Variants in PLCB1 observed in about 807,000 individuals in gnomAD.
The protein encoded by PLCB1 is phospholipase C beta 1.
In PLCB1, 46 loss-of-function variants were observed where a neutral mutation model predicts 161.8. The ratio of observed to expected loss-of-function variants is 0.28; its 90% CI spans 0.22 to 0.36. PLCB1 has a LOEUF of 0.36. Among genes scored for constraint, PLCB1 ranks in the 10% least tolerant of loss-of-function variants. The pLI is 1.00. For synonymous variants in PLCB1, 517 were observed against 503.7 expected (o/e 1.03, Z -0.35); for missense variants, 1,016 against 1,472.5 (o/e 0.69, Z 5.07).
intron 3 of PLCB1, among the ~76,000 whole-genome samples, chr20:8,437,240 A>T (rs1980354225): frequency 6.6e-6 from 1 of 152,234 alleles, no homozygotes; most frequent in Non-Finnish European, 1.5e-5. Flanking sequence ...TTACTGAGAC[A>T]ACCTCAGATA....
intron 3 of PLCB1, among the ~76,000 whole-genome samples, chr20:8,474,480 C>A (rs899233275): frequency 6.6e-6 from 1 of 152,000 alleles, no homozygotes; most frequent in African/African-American, 2.4e-5. Context: ...TCGGAGTGTG[C>A]TTGGCAAGTT....
intron 1 of PLCB1, among the ~76,000 whole-genome samples, chr20:8,147,280 G>C (rs1174990286): frequency 6.6e-6 from 1 of 152,156 alleles, no homozygotes; most frequent in African/African-American, 2.4e-5. Context: ...TGATGCATAG[G>C]CAAGTTTAAA....
intron 3 of PLCB1, among the ~76,000 whole-genome samples, chr20:8,448,798 T>G (rs2122639783): frequency 6.6e-6 from 1 of 152,286 alleles, no homozygotes; most frequent in African/African-American, 2.4e-5. Flanking sequence ...GGACAAAAAG[T>G]AAAGGATTGC....
chr20:8,350,930 A>C (rs900488212), intron 2 of PLCB1, among the ~76,000 whole-genome samples: 5 of 152,300 alleles, frequency 3.3e-5, no homozygotes, highest in African/African-American at 1.2e-4. Flanking sequence ...AATTTTTTTC[A>C]CATTGAACCA....
chr20:8,254,747 C>A (rs567436308), intron 2 of PLCB1, among the ~76,000 whole-genome samples: 1 of 151,926 alleles, frequency 6.6e-6, no homozygotes, highest in East Asian at 1.9e-4. Context: ...CCAGAAGATC[C>A]CTGCACATCA....
At chr20:8,832,916 G>T (rs1385446766) in intron 31 of PLCB1, among the ~76,000 whole-genome samples, 1 of 152,178 alleles carries the variant, frequency 6.6e-6, no homozygotes, top group Non-Finnish European at 1.5e-5. Flanking sequence ...CAACCTTAAG[G>T]ATTGTCATTG....
chr20:8,752,903 T>C (rs1278574937), intron 23 of PLCB1, among the ~76,000 whole-genome samples: 2 of 152,226 alleles, frequency 1.3e-5, no homozygotes, highest in African/African-American at 2.4e-5. Flanking sequence ...AGTACTGGTC[T>C]GTAGCTTATT....
chr20:8,838,018 G>T lies in PLCB1; in HGVS notation c.3424-43604G>T, dbSNP rs1202603880. ...TGTTCCTGGAAAGTAAAAGAGATAG[G>T]CTGGTGACTAAATTCTTTTTTGCTC... On this transcript the variant is annotated intron_variant, in intron 31 of 31. Transcript: ENST00000338037. Among the ~76,000 whole-genome samples, 5 of 151,822 alleles carry T rather than the reference G, an allele frequency of 3.3e-5. No homozygotes were observed. In the East Asian group the frequency reaches 7.8e-4, roughly 24 times the overall value.
intron 3 of PLCB1, among the ~76,000 whole-genome samples, chr20:8,427,458 G>T: frequency 6.6e-6 from 1 of 152,216 alleles, no homozygotes; most frequent in East Asian, 1.9e-4. Flanking sequence ...TAGGGGCTTT[G>T]CTGGGAGTTG....
At chr20:8,812,440 G>A (rs1173020160) in intron 31 of PLCB1, among the ~76,000 whole-genome samples, 1 of 152,018 alleles carries the variant, frequency 6.6e-6, no homozygotes, top group Non-Finnish European at 1.5e-5. Context: ...GGTGTGAGCG[G>A]GGGCTGGTGA....
chr20:8,679,942 A>C (rs1990174703), intron 9 of PLCB1, among the ~76,000 whole-genome samples: 1 of 152,202 alleles, frequency 6.6e-6, no homozygotes, highest in South Asian at 2.1e-4. Flanking sequence ...ATAATTCCTA[A>C]TATATTAGCC....
intron 2 of PLCB1, among the ~76,000 whole-genome samples, chr20:8,195,596 C>T (rs193261557): frequency 2.6e-5 from 4 of 151,992 alleles, no homozygotes; most frequent in Non-Finnish European, 4.4e-5. Flanking sequence ...GTTAAGTAAA[C>T]GAGAGACCTA....
chr20:8,559,397 T>C (rs990572921), intron 3 of PLCB1, among the ~76,000 whole-genome samples: 2 of 151,952 alleles, frequency 1.3e-5, no homozygotes, highest in Admixed American at 6.6e-5. Context: ...AATGGGGGAA[T>C]TGAGAAACAG....
Position 8,132,520 on chromosome 20 carries a change from AG to A in PLCB1, c.-130del, listed in dbSNP as rs969227922. On this transcript the variant is annotated 5_prime_UTR_variant, in exon 1 of 32. It introduces an in-frame stop codon into an upstream open reading frame of the 5' UTR. Transcript: ENST00000338037. This position sits in a 1 kb window ranked among gnomAD's most constrained non-coding sequence, Gnocchi z 5.2. ...AGGTGCGGAGGCCGGGAGGCCGGGG[AG>A]GCCGGCGGGGAGCAGAGTCGAGCGC... The A allele has an allele frequency of 9.0e-6, 4 of 445,264 alleles. No individual in the cohort carries two copies. Among genetic ancestry groups the A allele is most frequent in the Admixed American group, 4.6e-5 (1 of 21,656 alleles). 27.6% of individuals were successfully genotyped at this position (445,264 alleles called of 1,614,324 possible).
chr20:8,534,087 G>A (rs1435332844), intron 3 of PLCB1, among the ~76,000 whole-genome samples: 4 of 152,186 alleles, frequency 2.6e-5, no homozygotes, highest in Admixed American at 6.5e-5. Context: ...GTGAATGATC[G>A]TGGAATATTC....
chr20:8,317,124 G>A (rs2122144891), intron 2 of PLCB1, among the ~76,000 whole-genome samples: 1 of 152,276 alleles, frequency 6.6e-6, no homozygotes, highest in Admixed American at 6.5e-5. Flanking sequence ...GGCCATGACA[G>A]TAATGTAGGT....
chr20:8,549,045 C>T (rs1200826408), intron 3 of PLCB1, among the ~76,000 whole-genome samples: 1 of 152,112 alleles, frequency 6.6e-6, no homozygotes, highest in Non-Finnish European at 1.5e-5. Context: ...ATACCTAATA[C>T]ATGCAGGGCT....
In PLCB1 at chr20:8,883,482, TCA is replaced by T. The variant is rs1248681287; in HGVS notation, c.*1636_*1637del. The T allele has an allele frequency of 6.6e-6, 1 of 152,092 alleles. No individual in the cohort carries two copies. Among genetic ancestry groups the T allele is most frequent in the African/African-American group, 2.4e-5 (1 of 41,454 alleles). 9.4% of individuals were successfully genotyped at this position (152,092 alleles called of 1,614,324 possible). A position where few individuals can be genotyped will look rare whatever the true frequency, so the allele number is the denominator to read the frequency against. On this transcript the variant is annotated 3_prime_UTR_variant, in exon 32 of 32. Transcript: ENST00000338037. ...AAGTTAAAACCCAGAAGCCAGATGC[TCA>T]CAGTTTTATTTTACTTTAAAATAAA...
chr20:8,481,888 A>G (rs375412554), intron 3 of PLCB1, among the ~76,000 whole-genome samples: 2 of 152,002 alleles, frequency 1.3e-5, no homozygotes, highest in African/African-American at 4.8e-5. Flanking sequence ...TGGAGTTGAA[A>G]TCTACTTGAA....
Sources: allele counts gnomAD v4.1 joint callset (sites outside exome capture counted in the v4.1 genomes callset), GRCh38; gene constraint gnomAD v4.1.1; non-coding constraint Gnocchi (gnomAD v3.1); transcripts MANE v1.5; gene names NCBI Gene and HGNC (gene_info 2026-07-23, HGNC 2026-07-21).